Variants in ADAMTSL1 observed in about 807,000 individuals in gnomAD.
ADAMTSL1 encodes the protein ADAMTS like 1.
Under a neutral mutation model 201.8 loss-of-function variants are expected in ADAMTSL1, and 126 were observed. That is an observed-to-expected ratio of 0.62 (90% CI 0.54 to 0.72). ADAMTSL1 has a LOEUF of 0.72. Among genes scored for constraint, ADAMTSL1 ranks in the 30% least tolerant of loss-of-function variants. ADAMTSL1 has a pLI of 0.00. For synonymous variants in ADAMTSL1, 1,121 were observed against 903.4 expected (o/e 1.24, Z -4.32); for missense variants, 2,679 against 2,277.8 (o/e 1.18, Z -3.59).
intron 1 of ADAMTSL1, among the ~76,000 whole-genome samples, chr9:17,924,253 C>T (rs1050553192): frequency 3.3e-5 from 5 of 152,012 alleles, no homozygotes; most frequent in Admixed American, 2.6e-4. Context: ...TCCATCTGGT[C>T]CTGGACTCTT....
intron 2 of ADAMTSL1, among the ~76,000 whole-genome samples, chr9:18,340,366 A>G (rs185700390): frequency 1.3e-5 from 2 of 152,346 alleles, no homozygotes; most frequent in African/African-American, 4.8e-5. Context: ...TCTGTAACCC[A>G]GATATGTATC....
At chr9:18,808,988 CAT>C (rs34268354) in intron 20 of ADAMTSL1, among the ~76,000 whole-genome samples, 59,390 of 151,964 alleles carry the variant, frequency 0.39, 11,750 homozygotes, top group Middle Eastern at 0.43. Flanking sequence ...CATATAAACA[CAT>C]ATTTTCACTT....
At chr9:18,023,925 C>T (rs570228471) in intron 1 of ADAMTSL1, among the ~76,000 whole-genome samples, 15 of 152,126 alleles carry the variant, frequency 9.9e-5, no homozygotes, top group South Asian at 2.1e-4. Flanking sequence ...GAAAGAAATA[C>T]GAAAATATTT....
At position 18,555,273 on chromosome 9, in the gene ADAMTSL1, G is replaced by A. The variant is rs79560973; in HGVS notation, c.238-18757G>A. 9.0e-3 allele frequency among the ~76,000 whole-genome samples: 1,375 copies of A among 151,944 alleles called. 10 individuals carry two copies. Among genetic ancestry groups the A allele is most frequent in the East Asian group, 0.05 (258 of 5,168 alleles). ...GAAAGTTCAACACCACCAGAAACTG[G>A]CAGATCCTTTTAGAATCGACTTCCA... On this transcript the variant is annotated intron_variant, in intron 3 of 28. Coordinates refer to ENST00000380548, the MANE Select transcript of ADAMTSL1 (RefSeq NM_001040272.6).
At chr9:18,180,665 G>A (rs1828424559) in intron 2 of ADAMTSL1, among the ~76,000 whole-genome samples, 1 of 151,934 alleles carries the variant, frequency 6.6e-6, no homozygotes, top group South Asian at 2.1e-4. Flanking sequence ...AACATTCCAT[G>A]CTCATGGGTA....
At chr9:18,768,627 A>AAAAT (rs1255029317) in intron 16 of ADAMTSL1, among the ~76,000 whole-genome samples, 1 of 152,142 alleles carries the variant, frequency 6.6e-6, no homozygotes, top group East Asian at 1.9e-4. Flanking sequence ...TGAAATGAAA[A>AAAAT]AAATAAAGGT....
intron 2 of ADAMTSL1, among the ~76,000 whole-genome samples, chr9:18,279,144 G>A (rs545250128): frequency 6.6e-6 from 1 of 152,130 alleles, no homozygotes; most frequent in Non-Finnish European, 1.5e-5. Flanking sequence ...GTTTACAGTT[G>A]TCCCTCAGTA....
At chr9:18,531,923 A>G (rs1038190336) in intron 2 of ADAMTSL1, among the ~76,000 whole-genome samples, 1 of 152,192 alleles carries the variant, frequency 6.6e-6, no homozygotes, top group African/African-American at 2.4e-5. Context: ...TTGGCAAGTT[A>G]CTTAACCTTC....
At chr9:18,673,522 C>CA (rs1829954480) in intron 9 of ADAMTSL1, among the ~76,000 whole-genome samples, 1 of 152,192 alleles carries the variant, frequency 6.6e-6, no homozygotes, top group Non-Finnish European at 1.5e-5. Context: ...CTTGTTCAAA[C>CA]AAAAACATAA....
rs572756254 is a variant in ADAMTSL1 at position 18,254,974 on chromosome 9, C to G, written c.207+90993C>G. Among the ~76,000 whole-genome samples, 306 of 152,094 alleles carry G rather than the reference C, an allele frequency of 2.0e-3. 1 individual carries two copies. Among genetic ancestry groups the G allele is most frequent in the African/African-American group, 6.8e-3 (282 of 41,446 alleles). On this transcript the variant is annotated intron_variant, in intron 2 of 29. Coordinates refer to the ADAMTSL1 transcript ENST00000680146. ...AGCCAGCTCACCTGCGTTTGATGAT[C>G]TATAGGTTATATTTTTTCTGTATTT...
At chr9:18,233,979 C>G (rs1408327216) in intron 2 of ADAMTSL1, among the ~76,000 whole-genome samples, 1 of 152,134 alleles carries the variant, frequency 6.6e-6, no homozygotes, top group Non-Finnish European at 1.5e-5. Context: ...GCATTCTGGC[C>G]AACATGTGAG....
chr9:18,037,089 A>G (rs1821231778), intron 1 of ADAMTSL1, among the ~76,000 whole-genome samples: 1 of 152,086 alleles, frequency 6.6e-6, no homozygotes. Flanking sequence ...TGACTACAAC[A>G]TCTCTTGGAA....
At chr9:18,895,676 G>C (rs1209407045) in intron 26 of ADAMTSL1, among the ~76,000 whole-genome samples, 1 of 151,864 alleles carries the variant, frequency 6.6e-6, no homozygotes, top group African/African-American at 2.4e-5. Context: ...AGAAAGATCT[G>C]AGAAGACCTT....
At chr9:18,700,014 A>G (rs947410189) in intron 13 of ADAMTSL1, among the ~76,000 whole-genome samples, 4 of 152,238 alleles carry the variant, frequency 2.6e-5, no homozygotes, top group African/African-American at 9.6e-5. Flanking sequence ...CAGTTGAGAA[A>G]TATTTTCATA....
chr9:18,448,622 T>C (rs1398452237), intron 2 of ADAMTSL1, among the ~76,000 whole-genome samples: 1 of 152,234 alleles, frequency 6.6e-6, no homozygotes, highest in Non-Finnish European at 1.5e-5. Context: ...TCTGCTAGAA[T>C]GTAAATACCA....
At chr9:18,439,724 T>C (rs1473109859) in intron 2 of ADAMTSL1, among the ~76,000 whole-genome samples, 1 of 152,228 alleles carries the variant, frequency 6.6e-6, no homozygotes, top group Non-Finnish European at 1.5e-5. Flanking sequence ...TGCTGTATTC[T>C]CAGACTCTAA....
chr9:18,870,415 G>T (rs1827816898), intron 23 of ADAMTSL1, among the ~76,000 whole-genome samples: 1 of 152,174 alleles, frequency 6.6e-6, no homozygotes, highest in Non-Finnish European at 1.5e-5. Context: ...TATCTTCCCT[G>T]CAGTGGGCAG....
intron 2 of ADAMTSL1, among the ~76,000 whole-genome samples, chr9:18,367,537 T>C (rs1210190793): frequency 6.6e-6 from 1 of 152,044 alleles, no homozygotes; most frequent in Non-Finnish European, 1.5e-5. Flanking sequence ...AATACTATTT[T>C]AAGACACTGA....
chr9:18,009,818 C>T (rs1351862409), intron 1 of ADAMTSL1, among the ~76,000 whole-genome samples: 6 of 151,960 alleles, frequency 3.9e-5, no homozygotes, highest in African/African-American at 1.4e-4. Context: ...GAAATAGTCA[C>T]GAAGCAATTC....
Sources: gnomAD v4.1 joint callset for allele counts (sites outside exome capture counted in the v4.1 genomes callset) on GRCh38, gnomAD v4.1.1 for gene constraint, MANE v1.5 for transcripts, NCBI Gene and HGNC (gene_info 2026-07-23, HGNC 2026-07-21) for gene names.